The following JAZF1 variants were observed in gnomAD, a reference collection of about 807,000 sequenced individuals.
JAZF1 encodes the protein JAZF zinc finger 1, also known as juxtaposed with another zinc finger protein 1.
In JAZF1, 8 loss-of-function variants were observed where a neutral mutation model predicts 26.4. The observed-to-expected ratio is 0.30, with a 90% confidence interval of 0.18 to 0.55. The LOEUF (loss-of-function observed/expected upper bound fraction) is 0.55, where lower values mean the gene tolerates loss of function less well. JAZF1 is among the 20% of genes least tolerant of loss of function. The probability of loss-of-function intolerance (pLI) is 0.94; values close to 1 mark genes in which losing one functional copy is unlikely to be tolerated. For synonymous variants in JAZF1, 126 were observed against 122.3 expected (o/e 1.03, Z -0.20); for missense variants, 199 against 322.0 (o/e 0.62, Z 2.92).
At chr7:27,882,989 C>T (rs941559606) in intron 3 of JAZF1, among the ~76,000 whole-genome samples, 39 of 152,250 alleles carry the variant, frequency 2.6e-4, no homozygotes, top group Admixed American at 2.4e-3. Flanking sequence ...GAATCCACAC[C>T]ATTTTCCAGG....
intron 2 of JAZF1, among the ~76,000 whole-genome samples, chr7:27,987,631 G>A (rs1269313509): frequency 4.6e-5 from 7 of 150,846 alleles, no homozygotes; most frequent in African/African-American, 9.8e-5. Context: ...GCCTCTGCCC[G>A]GCTGCCCCAT....
At chr7:27,926,227 T>C (rs940714259) in intron 2 of JAZF1, among the ~76,000 whole-genome samples, 1 of 152,144 alleles carries the variant, frequency 6.6e-6, no homozygotes, top group African/African-American at 2.4e-5. Context: ...AGAGTACAAT[T>C]ATGAAACAAA....
At chr7:27,952,068 C>A (rs1315609932) in intron 2 of JAZF1, among the ~76,000 whole-genome samples, 2 of 152,196 alleles carry the variant, frequency 1.3e-5, no homozygotes, top group Admixed American at 6.5e-5. Context: ...GCACTCAGAG[C>A]AGCTGTGTCA....
chr7:27,924,475 A>G (rs1784581001), intron 2 of JAZF1, among the ~76,000 whole-genome samples: 1 of 152,266 alleles, frequency 6.6e-6, no homozygotes, highest in South Asian at 2.1e-4. Flanking sequence ...TGAACATTTC[A>G]TACAATTTTT....
At chr7:28,032,102 TC>T (rs1171601940) in intron 1 of JAZF1, among the ~76,000 whole-genome samples, 1 of 152,296 alleles carries the variant, frequency 6.6e-6, no homozygotes, top group East Asian at 1.9e-4. Flanking sequence ...TCACAACAAA[TC>T]TAAAAGTTCT....
intron 1 of JAZF1, among the ~76,000 whole-genome samples, chr7:28,149,217 T>A (rs1783071496): frequency 6.6e-6 from 1 of 152,160 alleles, no homozygotes; most frequent in African/African-American, 2.4e-5. Context: ...ATTTCTCATA[T>A]CTTAGCAATT....
At chr7:28,085,431 A>C (rs755909155) in intron 1 of JAZF1, among the ~76,000 whole-genome samples, 24 of 152,358 alleles carry the variant, frequency 1.6e-4, no homozygotes, top group Non-Finnish European at 3.1e-4. Flanking sequence ...TTCTCTTTAA[A>C]GTACATAAAA....
intron 2 of JAZF1, among the ~76,000 whole-genome samples, chr7:27,933,493 G>C (rs1784717508): frequency 6.6e-6 from 1 of 152,166 alleles, no homozygotes; most frequent in Admixed American, 6.5e-5. Context: ...ATATTACTAT[G>C]TTTTGTGTTT....
intron 1 of JAZF1, among the ~76,000 whole-genome samples, chr7:28,131,842 A>G (rs1243053369): frequency 6.6e-6 from 1 of 152,196 alleles, no homozygotes; most frequent in Non-Finnish European, 1.5e-5. Flanking sequence ...GCTATGGGAA[A>G]ATTGACAAAA....
At chr7:28,007,522 T>C (rs1195763045) in intron 1 of JAZF1, among the ~76,000 whole-genome samples, 1 of 151,582 alleles carries the variant, frequency 6.6e-6, no homozygotes, top group East Asian at 1.9e-4. Flanking sequence ...TGAGCCGAGA[T>C]CATGCCGCTG....
chr7:28,057,396 T>C (rs1361101769), intron 1 of JAZF1, among the ~76,000 whole-genome samples: 1 of 152,226 alleles, frequency 6.6e-6, no homozygotes, highest in African/African-American at 2.4e-5. Flanking sequence ...AGAGTGATAA[T>C]AGCTAAGATC....
intron 3 of JAZF1, among the ~76,000 whole-genome samples, chr7:27,851,577 G>C (rs978231563): frequency 6.6e-6 from 1 of 152,138 alleles, no homozygotes; most frequent in Non-Finnish European, 1.5e-5. Flanking sequence ...AGCAAAACCA[G>C]GATAGAACCC....
At chr7:27,937,234 A>G (rs1333133462) in intron 2 of JAZF1, among the ~76,000 whole-genome samples, 1 of 152,214 alleles carries the variant, frequency 6.6e-6, no homozygotes, top group African/African-American at 2.4e-5. Flanking sequence ...AAGCAAGCAC[A>G]TAGGCTTAAT....
At chr7:27,865,217 G>A (rs537134848) in intron 3 of JAZF1, among the ~76,000 whole-genome samples, 1 of 152,184 alleles carries the variant, frequency 6.6e-6, no homozygotes, top group South Asian at 2.1e-4. Context: ...AAAAAATACA[G>A]AAATTAGCCA....
chr7:27,840,921 T>C lies in JAZF1; in HGVS notation c.386-54A>G, dbSNP rs1223699519. 3 of 1,582,548 alleles carry C rather than the reference T, an allele frequency of 1.9e-6. No homozygotes were observed. In the Admixed American group the frequency reaches 5.2e-5, roughly 27 times the overall value. ...TCAGGAGCGCTCATCTCCCCACAGGTTCACCCGGCCACTTCCAGGACAGGA... is the reference window on the plus strand; with the variant it reads ...TCAGGAGCGCTCATCTCCCCACAGGCTCACCCGGCCACTTCCAGGACAGGA... On this transcript the variant is annotated intron_variant, in intron 3 of 4. Coordinates refer to ENST00000283928, the MANE Select transcript of JAZF1 (RefSeq NM_175061.4). This position sits in a 1 kb window ranked among gnomAD's most constrained non-coding sequence, Gnocchi z 5.1.
At chr7:27,997,470 G>C (rs1786040335) in intron 1 of JAZF1, among the ~76,000 whole-genome samples, 2 of 152,196 alleles carry the variant, frequency 1.3e-5, no homozygotes, top group Non-Finnish European at 2.9e-5. Flanking sequence ...AACATCTGGT[G>C]ATTCCCTAAT....
chr7:28,156,848 G>A (rs1783192752), intron 1 of JAZF1, among the ~76,000 whole-genome samples: 1 of 152,102 alleles, frequency 6.6e-6, no homozygotes, highest in African/African-American at 2.4e-5. Context: ...CAAGCAAGGG[G>A]GGAAATCATT....
intron 2 of JAZF1, among the ~76,000 whole-genome samples, chr7:27,957,381 G>A (rs1785115036): frequency 6.6e-6 from 1 of 152,206 alleles, no homozygotes; most frequent in South Asian, 2.1e-4. Flanking sequence ...GTATGTTCAA[G>A]GTAGCCTCAG....
intron 1 of JAZF1, among the ~76,000 whole-genome samples, chr7:28,115,366 T>C (rs1190620438): frequency 1.3e-5 from 2 of 152,246 alleles, no homozygotes; most frequent in East Asian, 1.9e-4. Flanking sequence ...CTTTTTTTCA[T>C]ACTAAGTCTT....
Sources: gnomAD v4.1 joint callset for allele counts (sites outside exome capture counted in the v4.1 genomes callset) on GRCh38, gnomAD v4.1.1 for gene constraint, Gnocchi (gnomAD v3.1) non-coding constraint, MANE v1.5 for transcripts, NCBI Gene and HGNC (gene_info 2026-07-23, HGNC 2026-07-21) for gene names.